The following MEGF11 variants were observed in gnomAD, a reference collection of about 807,000 sequenced individuals.
The protein encoded by MEGF11 is multiple epidermal growth factor-like domains protein 11.
A neutral mutation model predicts 146.6 loss-of-function variants in MEGF11; 126 were observed. The observed-to-expected ratio is 0.86, with a 90% CI of 0.74 to 1.00. MEGF11 has a LOEUF of 1.00. Among genes scored for constraint, MEGF11 ranks in the 50% least tolerant of loss-of-function variants. The pLI is 0.00. For missense variants in MEGF11, 1,509 were observed against 1,521.2 expected (o/e 0.99, Z 0.13); for synonymous variants, 532 against 583.4 (o/e 0.91, Z 1.27).
In MEGF11 at chr15:66,163,564, T is replaced by C. The variant is rs376495292; in HGVS notation, c.-8-35153A>G. On this transcript the variant is annotated intron_variant, in intron 1 of 25. Coordinates refer to ENST00000395614, the MANE Select transcript of MEGF11 (RefSeq NM_001385028.1). The stretch of plus-strand genomic sequence containing the variant: ...TTCTGAGCTGGCCAGCTGTCCTGGC[T>C]CCCCATCCTGGGCATGTCCCCTCAG... Among the ~76,000 whole-genome samples the C allele has an allele frequency of 9.1e-4, 139 of 152,274 alleles. 5 individuals carry two copies. In the South Asian group the frequency reaches 0.028, roughly 31 times the overall value.
chr15:65,962,960 G>A (rs2080917555), intron 9 of MEGF11, among the ~76,000 whole-genome samples: 1 of 152,248 alleles, frequency 6.6e-6, no homozygotes. Context: ...TAGCGGGAGA[G>A]AAGAGGGGGA....
chr15:66,213,565 C>A (rs2091513200), intron 1 of MEGF11, among the ~76,000 whole-genome samples: 1 of 150,476 alleles, frequency 6.6e-6, no homozygotes, highest in African/African-American at 2.5e-5. Flanking sequence ...GATATATCTC[C>A]TTTTCCATCC....
rs1285892841 is a variant in MEGF11 at position 66,123,967 on chromosome 15, G to T, written c.132C>A (p.His44Gln). 16 of 1,613,846 alleles carry T rather than the reference G, an allele frequency of 9.9e-6. No homozygotes were observed. The highest frequency in any genetic ancestry group is 1.3e-5 in the Non-Finnish European group (15 of 1,179,862). Residue 44 changes from histidine to glutamine, a missense_variant, in exon 3 of 26, where the codon CAC becomes CAA. Coordinates refer to ENST00000395614, the MANE Select transcript of MEGF11 (RefSeq NM_001385028.1). ...YAVTVQESYA[H>Q]PFDQIYYTRC... ...GTGTGTAATAGATCTGATCGAAGGG[G>T]TGTGCATACGATTCCTGGACAGTCA...
In MEGF11 at chr15:65,958,215, C is replaced by G. The variant is rs987078250; in HGVS notation, c.1113-494G>C. On this transcript the variant is annotated intron_variant, in intron 9 of 25. Coordinates refer to ENST00000395614, the MANE Select transcript of MEGF11 (RefSeq NM_001385028.1). ...AATGTTGGGCTGAGTGAAAACAAGA[C>G]TTTGGGCCAGATGTGGCCTCCTCTC... 3.3e-5 allele frequency among the ~76,000 whole-genome samples: 5 copies of G among 152,260 alleles called. No homozygotes were observed. The South Asian group carries it at 1.0e-3, about 31-fold the overall frequency.
At chr15:66,224,706 T>C (rs1002847974) in intron 1 of MEGF11, among the ~76,000 whole-genome samples, 10 of 146,978 alleles carry the variant, frequency 6.8e-5, no homozygotes, top group African/African-American at 1.5e-4. Flanking sequence ...ATATTTTATA[T>C]ATACATTTTA....
rs757795337 is a variant in MEGF11 at position 65,928,435 on chromosome 15, G to A, written c.1665C>T (p.Ala555=). ...DPVTGHCCCL[A]GWTGIRCDST... ...GCAAGGGAAGGTTACCTGTCCATCC[G>A]GCCAGGCAGCAGCAGTGGCCTGTGA... The change falls in exon 13 of 26, where the codon GCC becomes GCT. Residue 555 remains alanine (A), a synonymous_variant. Coordinates refer to ENST00000395614, the MANE Select transcript of MEGF11 (RefSeq NM_001385028.1). 2.8e-5 allele frequency: 45 copies of A among 1,593,772 alleles called. No individual in the cohort carries two copies. Among genetic ancestry groups the A allele is most frequent in the Non-Finnish European group, 3.5e-5 (41 of 1,167,306 alleles).
chr15:66,238,844 C>T (rs1176029836), intron 1 of MEGF11, among the ~76,000 whole-genome samples: 5 of 151,568 alleles, frequency 3.3e-5, no homozygotes, highest in Non-Finnish European at 7.4e-5. Context: ...TGCTTTCCGC[C>T]ACATCGCTTG....
rs1332521238 is a variant in MEGF11, at chr15:65,970,630, A to C, written c.822T>G (p.Asp274Glu). 6.2e-7 allele frequency: 1 copy of C among 1,613,712 alleles called. No homozygotes were observed. The highest frequency in any genetic ancestry group is 2.2e-5 in the East Asian group (1 of 44,880). ...ACTGCCCTCCATGGTGGCAAGGACA[A>C]TCCTGGCTGCAGTTCTGGCCAAATG... is the stretch of plus-strand genomic sequence containing the variant. ...PGTFGQNCSQ[D>E]CPCHHGGQCD... Residue 274 changes from aspartate to glutamate, a missense_variant, in exon 8 of 26, where the codon GAT becomes GAG. Coordinates refer to ENST00000395614, the MANE Select transcript of MEGF11 (RefSeq NM_001385028.1).
intron 24 of MEGF11, chr15:65,905,156 G>A (rs1195758233): frequency 6.6e-6 from 1 of 152,346 alleles, no homozygotes; most frequent in Non-Finnish European, 1.5e-5. Flanking sequence ...GCCTCTCAAA[G>A]TGCTGAGATC....
intron 5 of MEGF11, among the ~76,000 whole-genome samples, chr15:66,013,054 A>G (rs1315526366): frequency 6.6e-6 from 1 of 152,218 alleles, no homozygotes; most frequent in Non-Finnish European, 1.5e-5. Context: ...CAGATAAGGA[A>G]AGCAAGGCCC....
chr15:65,998,567 A>G (rs1247251629), intron 5 of MEGF11, among the ~76,000 whole-genome samples: 2 of 152,162 alleles, frequency 1.3e-5, no homozygotes, highest in African/African-American at 4.8e-5. Context: ...TCTGGGTGCC[A>G]AGCAATGATT....
At chr15:65,969,799 G>A (rs1267022157) in intron 8 of MEGF11, among the ~76,000 whole-genome samples, 1 of 152,114 alleles carries the variant, frequency 6.6e-6, no homozygotes, top group Non-Finnish European at 1.5e-5. Flanking sequence ...GGGGTGTGGG[G>A]GCTGCCTCTG....
rs1309910862 is a variant in MEGF11, at chr15:66,150,841, A to ATT, written c.-8-22431_-8-22430insAA. On this transcript the variant is annotated intron_variant, in intron 1 of 25. Coordinates refer to ENST00000395614, the MANE Select transcript of MEGF11 (RefSeq NM_001385028.1). The stretch of plus-strand genomic sequence containing the variant: ...GCCCTGTCGAGAGAGAGAGAGAGAG[A>ATT]GAGAGAGAGAGAGAGAGAGAGAGAG... Among the ~76,000 whole-genome samples the ATT allele has an allele frequency of 1.6e-4, 18 of 113,180 alleles. No individual in the cohort carries two copies. In the East Asian group the frequency reaches 2.1e-3, roughly 13 times the overall value. 74.3% of individuals were successfully genotyped at this position (113,180 alleles called of 152,430 possible). A position where few individuals can be genotyped will look rare whatever the true frequency, so the allele number is the denominator to read the frequency against.
chr15:65,911,362 G>A (rs147435911), intron 21 of MEGF11, among the ~76,000 whole-genome samples: 27 of 152,354 alleles, frequency 1.8e-4, no homozygotes, highest in Admixed American at 4.6e-4. Context: ...TATGCCACTT[G>A]CACACATTGT....
At chr15:66,081,471 C>A (rs748257828) in intron 5 of MEGF11, among the ~76,000 whole-genome samples, 2 of 152,174 alleles carry the variant, frequency 1.3e-5, no homozygotes, top group African/African-American at 4.8e-5. Context: ...CTCCGCCTCC[C>A]GGGTTCAAGC....
At chr15:66,211,185 G>T (rs564691822) in intron 1 of MEGF11, among the ~76,000 whole-genome samples, 2 of 152,230 alleles carry the variant, frequency 1.3e-5, no homozygotes, top group South Asian at 4.1e-4. Context: ...TGTTTTCTTT[G>T]CATTTTTTCC....
intron 1 of MEGF11, among the ~76,000 whole-genome samples, chr15:66,196,962 T>A (rs958948205): frequency 6.6e-6 from 1 of 152,158 alleles, no homozygotes; most frequent in Non-Finnish European, 1.5e-5. Context: ...TGTCTAGGAT[T>A]GCTTATGGTA....
chr15:66,167,796 C>T (rs2141101368), intron 1 of MEGF11, among the ~76,000 whole-genome samples: 1 of 152,360 alleles, frequency 6.6e-6, no homozygotes, highest in Non-Finnish European at 1.5e-5. Flanking sequence ...GCAGGTCAAA[C>T]TGCACTGATC....
At chr15:66,128,604 G>T (rs1420481747) in intron 1 of MEGF11, among the ~76,000 whole-genome samples, 193 bp from the exon 2 acceptor site, 8 of 152,168 alleles carry the variant, frequency 5.3e-5, no homozygotes, top group Non-Finnish European at 1.0e-4. Flanking sequence ...CAAATTCTAG[G>T]CCAGGGGTTC....
Sources: allele counts gnomAD v4.1 joint callset (sites outside exome capture counted in the v4.1 genomes callset), GRCh38; gene constraint gnomAD v4.1.1; transcripts MANE v1.5; gene names NCBI Gene and HGNC (gene_info 2026-07-23, HGNC 2026-07-21).